Variants in CDC14A observed in about 807,000 individuals in gnomAD.
CDC14A encodes the protein cell division cycle 14A, also known as dual specificity protein phosphatase CDC14A.
In CDC14A, 53 loss-of-function variants were observed where a neutral mutation model predicts 74.4. The ratio of observed to expected loss-of-function variants is 0.71; its 90% confidence interval spans 0.57 to 0.89. CDC14A has a LOEUF of 0.89. Among genes scored for constraint, CDC14A ranks in the 40% least tolerant of loss-of-function variants. CDC14A has a pLI of 0.00. For synonymous variants in CDC14A, 247 were observed against 258.4 expected (o/e 0.96, Z 0.43); for missense variants, 646 against 713.7 (o/e 0.91, Z 1.08).
rs139081029 is a variant in CDC14A at position 100,497,306 on chromosome 1, A to G, written c.1299-779A>G. On this transcript the variant is annotated intron_variant, in intron 13 of 15. Transcript: ENST00000336454. ...CCATGGCAGGGAAATAGTCTGTGCA[A>G]ACTGGACAAACGTGTGGACGCTACC... is the stretch of plus-strand genomic sequence containing the variant. Among the ~76,000 whole-genome samples the G allele has an allele frequency of 5.6e-4, 86 of 152,298 alleles. No homozygotes were observed. The East Asian group carries it at 0.016, about 29-fold the overall frequency.
At chr1:100,375,412 A>G (rs941171357) in intron 2 of CDC14A, among the ~76,000 whole-genome samples, 1 of 152,216 alleles carries the variant, frequency 6.6e-6, no homozygotes, top group Non-Finnish European at 1.5e-5. Flanking sequence ...GTGGGAGGAT[A>G]TGTGAGAACT....
At chr1:100,487,450 T>C (rs1483247650) in intron 11 of CDC14A, among the ~76,000 whole-genome samples, 2 of 152,000 alleles carry the variant, frequency 1.3e-5, no homozygotes, top group East Asian at 3.9e-4. Flanking sequence ...TAGTCCCAGC[T>C]TCTTGGGAGG....
At chr1:100,461,355 C>T (rs576366485) in intron 8 of CDC14A, among the ~76,000 whole-genome samples, 1 of 152,340 alleles carries the variant, frequency 6.6e-6, no homozygotes, top group Admixed American at 6.5e-5. Flanking sequence ...CGGCTTGGAG[C>T]TGAGAGCTGA....
chr1:100,513,942 A>T (rs936131895), intron 15 of CDC14A, among the ~76,000 whole-genome samples: 3 of 152,146 alleles, frequency 2.0e-5, no homozygotes, highest in African/African-American at 7.2e-5. Flanking sequence ...AGGCAATTTT[A>T]TCCTTATTTT....
At chr1:100,471,431 A>G (rs1047004698) in intron 10 of CDC14A, among the ~76,000 whole-genome samples, 15 of 152,170 alleles carry the variant, frequency 9.9e-5, no homozygotes, top group African/African-American at 2.9e-4. Context: ...ACCATTTACA[A>G]TGTATCTGGT....
chr1:100,491,063 G>C lies in CDC14A; in HGVS notation c.1138-3755G>C, dbSNP rs573528773. On this transcript the variant is annotated intron_variant, in intron 11 of 15. Transcript: ENST00000336454. ...GTCTTCATAAACCATGTATATATAA[G>C]AGTATGTTTGTTGAGGCTGTTTATA... Among the ~76,000 whole-genome samples, 5 of 152,190 alleles carry C rather than the reference G, an allele frequency of 3.3e-5. No individual in the cohort carries two copies. The South Asian group carries it at 1.0e-3, about 32-fold the overall frequency.
At chr1:100,401,185 A>G (rs1659210337) in intron 4 of CDC14A, among the ~76,000 whole-genome samples, 1 of 152,166 alleles carries the variant, frequency 6.6e-6, no homozygotes, top group Non-Finnish European at 1.5e-5. Context: ...AATTAAGGGG[A>G]TGTACTTTTT....
chr1:100,487,026 A>T (rs6700143), intron 11 of CDC14A, among the ~76,000 whole-genome samples: 32 of 152,226 alleles, frequency 2.1e-4, no homozygotes, highest in Non-Finnish European at 1.2e-4. Flanking sequence ...TAGATTGAGA[A>T]TGCTGTAAGA....
At chr1:100,394,024 C>A in intron 4 of CDC14A, 1 of 262,192 alleles carries the variant, frequency 3.8e-6, no homozygotes, top group South Asian at 4.2e-5. Flanking sequence ...CTGTGCCTGC[C>A]ATTCTGGGGA....
chr1:100,345,645 CATTT>C (rs1650346824), intron 1 of CDC14A, among the ~76,000 whole-genome samples: 1 of 152,130 alleles, frequency 6.6e-6, no homozygotes, highest in South Asian at 2.1e-4. Flanking sequence ...TTTAATTACT[CATTT>C]ATTTATACAT....
At chr1:100,512,147 A>C (rs1347742407) in intron 15 of CDC14A, among the ~76,000 whole-genome samples, 1 of 151,982 alleles carries the variant, frequency 6.6e-6, no homozygotes, top group African/African-American at 2.4e-5. Flanking sequence ...TGACCCATCT[A>C]AACAGAATGG....
intron 11 of CDC14A, among the ~76,000 whole-genome samples, chr1:100,494,593 T>C (rs2101418659): frequency 6.6e-6 from 1 of 152,338 alleles, no homozygotes; most frequent in South Asian, 2.1e-4. Flanking sequence ...CTACCACATC[T>C]ATTCCCATGC....
intron 15 of CDC14A, among the ~76,000 whole-genome samples, chr1:100,514,825 C>T (rs1650056980): frequency 6.6e-6 from 1 of 152,140 alleles, no homozygotes. Flanking sequence ...TTAAGAAGTT[C>T]AGCTAGTTGT....
chr1:100,474,824 T>C (rs1162325353), intron 10 of CDC14A, among the ~76,000 whole-genome samples: 1 of 152,114 alleles, frequency 6.6e-6, no homozygotes, highest in East Asian at 1.9e-4. Context: ...CATGTTTTTA[T>C]ATTTATTATT....
At chr1:100,400,683 C>G (rs1232329507) in intron 4 of CDC14A, among the ~76,000 whole-genome samples, 1 of 152,174 alleles carries the variant, frequency 6.6e-6, no homozygotes, top group Non-Finnish European at 1.5e-5. Context: ...TCCTTAAACT[C>G]ATACAGCATT....
At chr1:100,427,292 TGAA>T (rs923155409) in intron 5 of CDC14A, among the ~76,000 whole-genome samples, 3 of 152,206 alleles carry the variant, frequency 2.0e-5, no homozygotes, top group African/African-American at 7.2e-5. Flanking sequence ...TTTTTAAAAA[TGAA>T]GATGATTTTG....
intron 4 of CDC14A, among the ~76,000 whole-genome samples, chr1:100,423,283 C>T (rs574182939): frequency 2.0e-5 from 3 of 152,136 alleles, no homozygotes; most frequent in African/African-American, 4.8e-5. Context: ...TTGTCATTCT[C>T]ATGCCTGGAT....
At chr1:100,475,260 A>G (rs941858798) in intron 10 of CDC14A, among the ~76,000 whole-genome samples, 7 of 151,830 alleles carry the variant, frequency 4.6e-5, no homozygotes, top group African/African-American at 1.2e-4. Flanking sequence ...GGTTTTCTTT[A>G]TATCTATTTC....
intron 7 of CDC14A, among the ~76,000 whole-genome samples, chr1:100,453,964 C>T (rs949114063): frequency 1.3e-5 from 2 of 152,128 alleles, no homozygotes; most frequent in Non-Finnish European, 2.9e-5. Context: ...TTTATTACAA[C>T]TAGATTAAAT....
Sources: allele counts gnomAD v4.1 joint callset (sites outside exome capture counted in the v4.1 genomes callset), GRCh38; gene constraint gnomAD v4.1.1; transcripts MANE v1.5; gene names NCBI Gene and HGNC (gene_info 2026-07-23, HGNC 2026-07-21).